The following SHROOM4 variants were observed in gnomAD, a reference collection of about 807,000 sequenced individuals.
SHROOM4 encodes protein Shroom4.
Under a neutral mutation model 80.3 loss-of-function variants are expected in SHROOM4, and 17 were observed. That is an observed-to-expected ratio of 0.21 (90% confidence interval 0.14 to 0.32). The LOEUF is 0.32. SHROOM4 is among the 10% of genes least tolerant of loss of function. The pLI, the probability that SHROOM4 is intolerant of heterozygous loss-of-function variation, is 1.00. For missense variants in SHROOM4, 993 were observed against 1,140.3 expected, an observed-to-expected ratio of 0.87 and a Z score of 1.86; for synonymous variants, 400 against 437.5, an observed-to-expected ratio of 0.91 and a Z score of 1.07.
intron 1 of SHROOM4, among the ~76,000 whole-genome samples, chrX:50,707,920 C>T (rs1348652729): frequency 9.0e-6 from 1 of 111,475 alleles, no homozygotes; most frequent in African/African-American, 3.3e-5. Context: ...ATCCAATTCA[C>T]CCTAACATGG....
At position 50,633,888 on chromosome X, in the gene SHROOM4, A is replaced by C. The variant is rs1440700902; in HGVS notation, c.2185T>G (p.Ser729Ala). Residue 729 changes from serine (S) to alanine (A), a missense_variant, in exon 4 of 9, where the codon TCT becomes GCT. Physicochemically the swap from Ser to Ala is moderately conservative, Grantham distance 99 (BLOSUM62 1). Coordinates refer to ENST00000376020, the MANE Select transcript of SHROOM4 (RefSeq NM_020717.5). ...CGVRGGHWRWSPEHNSQPLVA... is the reference protein window; with the variant it reads ...CGVRGGHWRWAPEHNSQPLVA... ...AGTGGCTGTGAATTATGCTCTGGAGACCATCTCCAATGACCTCCACGGACT... is the reference window on the plus strand; with the variant it reads ...AGTGGCTGTGAATTATGCTCTGGAGCCCATCTCCAATGACCTCCACGGACT... The C allele has an allele frequency of 8.3e-7, 1 of 1,209,773 alleles. No homozygotes were observed. Among genetic ancestry groups the C allele is most frequent in the Non-Finnish European group, 1.1e-6 (1 of 895,067 alleles).
chrX:50,640,861 A>T (rs1299179229), intron 2 of SHROOM4, among the ~76,000 whole-genome samples: 1 of 111,418 alleles, frequency 9.0e-6, no homozygotes, highest in Admixed American at 9.5e-5. Flanking sequence ...CAGCTCTACC[A>T]CTCATTAGCT....
intron 1 of SHROOM4, among the ~76,000 whole-genome samples, chrX:50,698,564 G>C (rs1196246045): frequency 9.0e-6 from 1 of 111,031 alleles, no homozygotes; most frequent in Non-Finnish European, 1.9e-5. Flanking sequence ...TCCAGACCCA[G>C]GGTATTTACT....
rs923750949 is a variant in SHROOM4, at chrX:50,626,749, C to T, written c.2957+865G>A. On this transcript the variant is annotated intron_variant, in intron 5 of 8. Transcript: ENST00000376020. The stretch of plus-strand genomic sequence containing the variant: ...AAAGCATAAGATAATATGTGTAATT[C>T]GGCTTGCAGCACATAGGTTGTTTGG... Among the ~76,000 whole-genome samples the T allele has an allele frequency of 1.8e-4, 20 of 111,761 alleles. No homozygotes were observed. In the Admixed American group the frequency reaches 1.9e-3, roughly 11 times the overall value.
intron 2 of SHROOM4, among the ~76,000 whole-genome samples, chrX:50,651,734 C>G (rs782692413): frequency 4.6e-5 from 5 of 108,173 alleles, no homozygotes; most frequent in African/African-American, 6.8e-5. Context: ...CCTCCCCTAG[C>G]CCCTTAACCC....
chrX:50,808,407 A>C (rs1253651988), intron 1 of SHROOM4, among the ~76,000 whole-genome samples: 1 of 111,795 alleles, frequency 8.9e-6, no homozygotes, highest in Non-Finnish European at 1.9e-5. Context: ...TGAAATGGTT[A>C]AGATTAGACT....
intron 1 of SHROOM4, among the ~76,000 whole-genome samples, chrX:50,751,026 CTTT>C (rs1268141036): frequency 6.4e-4 from 72 of 112,428 alleles, no homozygotes; most frequent in Non-Finnish European, 1.2e-3. Flanking sequence ...CCTTCACCAT[CTTT>C]AACTCAAGGT....
Position 50,596,316 on chromosome X carries a change from T to A in SHROOM4, c.*379A>T, listed in dbSNP as rs1300253014. 5 of 353,700 alleles carry A rather than the reference T, an allele frequency of 1.4e-5. No homozygotes were observed. Among genetic ancestry groups the A allele is most frequent in the African/African-American group, 2.6e-5 (1 of 39,146 alleles). The allele number at this position is 353,700 out of a possible 1,213,427, so 29.1% of individuals were successfully genotyped here. A position where few individuals can be genotyped will look rare whatever the true frequency, so the allele number is the denominator to read the frequency against. ...GAGTAGAGCTGCAAGGCAGATTCCC[T>A]CTGAGCCTTTAGAGGCTGTTGATGA... On this transcript the variant is annotated 3_prime_UTR_variant, in exon 9 of 9. Transcript: ENST00000376020.
At chrX:50,709,317 G>GAGGC (rs1933754025) in intron 1 of SHROOM4, among the ~76,000 whole-genome samples, 1 of 112,088 alleles carries the variant, frequency 8.9e-6, no homozygotes, top group African/African-American at 3.2e-5. Flanking sequence ...GGGCCCCTAG[G>GAGGC]CCATGCATAT....
chrX:50,717,438 C>T lies in SHROOM4; in HGVS notation c.118-21501G>A, dbSNP rs1334988672. 2.1e-4 allele frequency among the ~76,000 whole-genome samples: 24 copies of T among 112,014 alleles called. 1 individual carries two copies. Among genetic ancestry groups the T allele is most frequent in the Admixed American group, 1.9e-3 (20 of 10,623 alleles). Reference sequence around the variant, plus strand: ...TTTACCATGTTGGCCAGGATGGTCTCGATCTATCTCTTGACCTCGTGATCT... The same window carrying T: ...TTTACCATGTTGGCCAGGATGGTCTTGATCTATCTCTTGACCTCGTGATCT... On this transcript the variant is annotated intron_variant, in intron 1 of 8. Transcript: ENST00000376020.
Position 50,592,042 on chromosome X carries a change from C to T in SHROOM4, c.*4653G>A, listed in dbSNP as rs782045930. Reference sequence around the variant, plus strand: ...GGAACTGTTTTCTTAATAACATTTTCGGATTGTTCATTTGATCTTGTGTTT... The same window carrying T: ...GGAACTGTTTTCTTAATAACATTTTTGGATTGTTCATTTGATCTTGTGTTT... On this transcript the variant is annotated 3_prime_UTR_variant, in exon 9 of 9. Coordinates refer to ENST00000376020, the MANE Select transcript of SHROOM4 (RefSeq NM_020717.5). The T allele has an allele frequency of 1.9e-3, 634 of 327,882 alleles. 4 individuals carry two copies. The highest frequency in any genetic ancestry group is 3.0e-3 in the African/African-American group (112 of 37,723). The allele number at this position is 327,882 out of a possible 1,213,427, so 27.0% of individuals were successfully genotyped here.
At chrX:50,644,212 C>T (rs1931733965) in intron 2 of SHROOM4, among the ~76,000 whole-genome samples, 1 of 112,484 alleles carries the variant, frequency 8.9e-6, no homozygotes, top group Admixed American at 9.4e-5. Context: ...GAGACTTCAA[C>T]TCCAGAAAAG....
chrX:50,749,738 TG>T (rs1934863023), intron 1 of SHROOM4, among the ~76,000 whole-genome samples: 1 of 111,815 alleles, frequency 8.9e-6, no homozygotes, highest in Non-Finnish European at 1.9e-5. Context: ...TTGTCAGGTA[TG>T]GGTTGGCTAG....
At chrX:50,711,849 C>A (rs138685772) in intron 1 of SHROOM4, among the ~76,000 whole-genome samples, 173 of 112,341 alleles carry the variant, frequency 1.5e-3, no homozygotes, top group African/African-American at 5.5e-3. Context: ...GTCCCACAGA[C>A]CTTTCATTGA....
Position 50,607,861 on chromosome X carries a change from G to T in SHROOM4, c.3281C>A (p.Ala1094Asp), listed in dbSNP as rs1319889213. The change falls in exon 6 of 9, where the codon GCC becomes GAC. Residue 1094 changes from alanine (A) to aspartate (D), a missense_variant. By Grantham distance (126) the Ala-to-Asp change is moderately radical. Transcript: ENST00000376020. ...AGGAGGAGGAAAGGCCTTCTTCCTGGCTCCGAGAAGATCCGACTGGGTCTC... is the reference window on the plus strand; with the variant it reads ...AGGAGGAGGAAAGGCCTTCTTCCTGTCTCCGAGAAGATCCGACTGGGTCTC... ...GDETQSDLLG[A>D]RKKAFPPPRP... is the part of the protein sequence containing the mutation. The T allele has an allele frequency of 4.1e-6, 5 of 1,207,270 alleles. No homozygotes were observed. The highest frequency in any genetic ancestry group is 4.5e-6 in the Non-Finnish European group (4 of 893,674).
intron 1 of SHROOM4, among the ~76,000 whole-genome samples, chrX:50,806,441 C>T (rs137977824): frequency 0.077 from 8,669 of 111,881 alleles, 347 homozygotes; most frequent in Non-Finnish European, 0.12. Context: ...AACACTAATG[C>T]GTAAGACAAT....
At position 50,727,255 on chromosome X, in the gene SHROOM4, T is replaced by G. The variant is rs368757841; in HGVS notation, c.118-31318A>C. Reference sequence around the variant, plus strand: ...ATCTTAAGAGTAACTAGCTTGTTTTTGATTTTACAGGCTCATAGGCAGAGG... The same window carrying G: ...ATCTTAAGAGTAACTAGCTTGTTTTGGATTTTACAGGCTCATAGGCAGAGG... On this transcript the variant is annotated intron_variant, in intron 1 of 8. Transcript: ENST00000376020. Among the ~76,000 whole-genome samples, 5 of 112,888 alleles carry G rather than the reference T, an allele frequency of 4.4e-5. No homozygotes were observed. The East Asian group carries it at 1.4e-3, about 31-fold the overall frequency.
intron 2 of SHROOM4, among the ~76,000 whole-genome samples, chrX:50,680,404 T>C (rs1465394541): frequency 8.9e-6 from 1 of 112,025 alleles, no homozygotes; most frequent in Non-Finnish European, 1.9e-5. Context: ...AAATGTATGA[T>C]AGAGTTGTAA....
intron 1 of SHROOM4, among the ~76,000 whole-genome samples, chrX:50,725,309 G>C (rs989570887): frequency 2.5e-4 from 28 of 111,963 alleles, no homozygotes; most frequent in African/African-American, 9.1e-4. Context: ...CCCCCACCTC[G>C]CTCCACTCAT....
Sources: gnomAD v4.1 joint callset for allele counts (sites outside exome capture counted in the v4.1 genomes callset) on GRCh38, gnomAD v4.1.1 for gene constraint, MANE v1.5 for transcripts, NCBI Gene and HGNC (gene_info 2026-07-23, HGNC 2026-07-21) for gene names.